The following RNF43 variants were observed in gnomAD, a reference collection of about 807,000 sequenced individuals.
RNF43 encodes the protein E3 ubiquitin-protein ligase RNF43.
Under a neutral mutation model 78.4 loss-of-function variants are expected in RNF43, and 37 were observed. The ratio of observed to expected loss-of-function variants is 0.47; its 90% CI spans 0.36 to 0.62. The LOEUF (loss-of-function observed/expected upper bound fraction) is 0.62. Among genes scored for constraint, RNF43 ranks in the 20% least tolerant of loss-of-function variants. The probability of loss-of-function intolerance (pLI) is 0.00; values close to 1 mark genes in which losing one functional copy is unlikely to be tolerated. For missense variants in RNF43, 774 were observed against 1,007.9 expected, an observed-to-expected ratio of 0.77 and a Z score of 3.14; for synonymous variants, 347 against 395.0, an observed-to-expected ratio of 0.88 and a Z score of 1.44.
At chr17:58,413,792 A>G (rs1057497082) in intron 2 of RNF43, among the ~76,000 whole-genome samples, 1 of 152,216 alleles carries the variant, frequency 6.6e-6, no homozygotes, top group South Asian at 2.1e-4. Context: ...AGAATACATT[A>G]TTTTATGGAA....
intron 3 of RNF43, among the ~76,000 whole-genome samples, chr17:58,365,742 G>A (rs1972934415): frequency 6.6e-6 from 1 of 152,160 alleles, no homozygotes; most frequent in Non-Finnish European, 1.5e-5. Flanking sequence ...AAGGAAAAAA[G>A]TACTTATTTG....
At chr17:58,373,386 A>C (rs1973142187) in intron 2 of RNF43, among the ~76,000 whole-genome samples, 1 of 152,170 alleles carries the variant, frequency 6.6e-6, no homozygotes, top group African/African-American at 2.4e-5. Context: ...GAGCCACCAA[A>C]CTTGCCTGGT....
chr17:58,399,915 C>G (rs1039738692), intron 2 of RNF43, among the ~76,000 whole-genome samples: 1 of 152,172 alleles, frequency 6.6e-6, no homozygotes, highest in African/African-American at 2.4e-5. Context: ...ACTAGGATTA[C>G]AGGCGTGAGC....
At chr17:58,359,820 G>T (rs1002185369) in intron 8 of RNF43, among the ~76,000 whole-genome samples, 3 of 151,656 alleles carry the variant, frequency 2.0e-5, no homozygotes, top group African/African-American at 7.3e-5. Flanking sequence ...CAGCTACTCG[G>T]GAGGCTGAGG....
chr17:58,370,099 C>T (rs1037829227), intron 3 of RNF43, among the ~76,000 whole-genome samples: 6 of 139,522 alleles, frequency 4.3e-5, no homozygotes, highest in Admixed American at 7.5e-5. Context: ...GACAAAGTCC[C>T]GCTCTGTCAC....
At chr17:58,359,695 G>T (rs554391041) in intron 8 of RNF43, among the ~76,000 whole-genome samples, 15 of 152,090 alleles carry the variant, frequency 9.9e-5, no homozygotes, top group South Asian at 2.1e-4. Context: ...GGGAGGCCAA[G>T]GTAGGCAGAT....
chr17:58,395,169 A>T (rs1283449503), intron 2 of RNF43, among the ~76,000 whole-genome samples: 1 of 152,220 alleles, frequency 6.6e-6, no homozygotes, highest in African/African-American at 2.4e-5. Context: ...ACCTAGCAAA[A>T]CTAGCAAATA....
At chr17:58,408,739 G>A (rs1465628097) in intron 2 of RNF43, among the ~76,000 whole-genome samples, 2 of 152,126 alleles carry the variant, frequency 1.3e-5, no homozygotes, top group Non-Finnish European at 2.9e-5. Context: ...CTTTAAAAAT[G>A]TGATAAGCAT....
At chr17:58,412,066 G>T (rs976643915) in intron 2 of RNF43, among the ~76,000 whole-genome samples, 2 of 152,040 alleles carry the variant, frequency 1.3e-5, no homozygotes, top group African/African-American at 4.8e-5. Context: ...CTAGATTTTT[G>T]ATGGCTATTA....
rs542951430 is a variant in RNF43, at chr17:58,366,739, C to T, written c.376-3139G>A. Among the ~76,000 whole-genome samples, 248 of 152,300 alleles carry T rather than the reference C, an allele frequency of 1.6e-3. 1 individual carries two copies. Among genetic ancestry groups the T allele is most frequent in the Middle Eastern group, 3.4e-3 (1 of 294 alleles). On this transcript the variant is annotated intron_variant, in intron 3 of 9. Transcript: ENST00000407977. ...GTCCATAGGGTTGTTATGAGGACTA[C>T]ATAAACGAATCCACACAAAGCATTT...
intron 5 of RNF43, among the ~76,000 whole-genome samples, chr17:58,362,911 T>C (rs1407150041): frequency 6.6e-6 from 1 of 152,140 alleles, no homozygotes; most frequent in Non-Finnish European, 1.5e-5. Flanking sequence ...AAGGGACCCC[T>C]CTGCAAGGTG....
chr17:58,381,500 T>C (rs935709004), intron 2 of RNF43, among the ~76,000 whole-genome samples: 1 of 152,216 alleles, frequency 6.6e-6, no homozygotes, highest in Admixed American at 6.5e-5. Flanking sequence ...TGGATTTTTA[T>C]TCCCACCCAC....
intron 1 of RNF43, chr17:58,416,514 C>T (rs530428971): frequency 1.6e-4 from 24 of 152,278 alleles, no homozygotes; most frequent in African/African-American, 4.3e-4. Flanking sequence ...TTCTCCAGCT[C>T]GGAAATGCCG....
chr17:58,377,661 C>T (rs1359783303), intron 2 of RNF43, among the ~76,000 whole-genome samples: 2 of 146,982 alleles, frequency 1.4e-5, no homozygotes, highest in Admixed American at 1.4e-4. Context: ...CCCAGGAACT[C>T]TCCTCCCCAC....
chr17:58,365,755 T>C (rs1337698260), intron 3 of RNF43, among the ~76,000 whole-genome samples: 1 of 151,910 alleles, frequency 6.6e-6, no homozygotes, highest in Non-Finnish European at 1.5e-5. Flanking sequence ...CTTATTTGGG[T>C]ACTGGAATTT....
chr17:58,363,320 G>A lies in RNF43; in HGVS notation c.537C>T (p.Asn179=). 1.9e-6 allele frequency: 3 copies of A among 1,614,096 alleles called. No homozygotes were observed. Among genetic ancestry groups the A allele is most frequent in the Non-Finnish European group, 2.5e-6 (3 of 1,180,024 alleles). The change falls in exon 5 of 10, where the codon AAC becomes AAT. Residue 179 remains asparagine, a synonymous_variant. Transcript: ENST00000407977. The part of the protein sequence containing the change: ...AEKLMEFVYK[N]QKAHVRIELK... ...GCTCAATCCTCACATGGGCCTTTTGGTTCTTGTACACAAACTCCATCAGCT... is the reference window on the plus strand; with the variant it reads ...GCTCAATCCTCACATGGGCCTTTTGATTCTTGTACACAAACTCCATCAGCT...
intron 2 of RNF43, among the ~76,000 whole-genome samples, chr17:58,411,870 C>G (rs1395219613): frequency 1.3e-5 from 2 of 152,096 alleles, no homozygotes; most frequent in African/African-American, 4.8e-5. Context: ...TAAGAGGTAA[C>G]CAAACCAGAA....
In RNF43 at chr17:58,360,763, A is replaced by G. The variant is rs1267026191; in HGVS notation, c.849+20T>C. On this transcript the variant is annotated intron_variant, in intron 7 of 9. Coordinates refer to ENST00000407977, the MANE Select transcript of RNF43 (RefSeq NM_017763.6). The surrounding 1 kb of genome is among the most constrained non-coding windows in gnomAD (Gnocchi z 4.3). ...TCTCCCCAGTCTGGTCATGGAGGTG[A>G]ACCACAAGACCTGCCTTACCTGCCC... 1 of 1,597,518 alleles carries G rather than the reference A, an allele frequency of 6.3e-7. No homozygotes were observed. Among genetic ancestry groups the G allele is most frequent in the Non-Finnish European group, 8.5e-7 (1 of 1,171,836 alleles).
intron 3 of RNF43, among the ~76,000 whole-genome samples, chr17:58,365,904 G>A (rs1369127801): frequency 6.6e-6 from 1 of 152,178 alleles, no homozygotes; most frequent in South Asian, 2.1e-4. Flanking sequence ...AGCAACAGGA[G>A]CCATTACAGA....
Sources: gnomAD v4.1 joint callset for allele counts (sites outside exome capture counted in the v4.1 genomes callset) on GRCh38, gnomAD v4.1.1 for gene constraint, Gnocchi (gnomAD v3.1) non-coding constraint, MANE v1.5 for transcripts, NCBI Gene and HGNC (gene_info 2026-07-23, HGNC 2026-07-21) for gene names.